DGKD: variants seen among roughly 807,000 people sequenced by gnomAD.
DGKD encodes diacylglycerol kinase delta, also known as DAG kinase delta.
DGKD carries 68 observed loss-of-function variants against 154.4 expected under a neutral mutation model. The ratio of observed to expected loss-of-function variants is 0.44; its 90% CI spans 0.36 to 0.54. DGKD has a LOEUF of 0.54. DGKD is among the 20% of genes least tolerant of loss of function. The pLI is 0.00. For synonymous variants in DGKD, 693 were observed against 638.0 expected (o/e 1.09, Z -1.30); for missense variants, 1,343 against 1,593.6 (o/e 0.84, Z 2.68).
At chr2:233,436,462 C>A in intron 7 of DGKD, 21 bp downstream of exon 7, 1 of 1,606,320 alleles carries the variant, frequency 6.2e-7, no homozygotes, top group South Asian at 1.1e-5. Context: ...GCCCTGCGCC[C>A]GGGCTGGAGG....
At chr2:233,393,477 C>T (rs1180486621) in intron 3 of DGKD, among the ~76,000 whole-genome samples, 1 of 151,188 alleles carries the variant, frequency 6.6e-6, no homozygotes, top group East Asian at 2.0e-4. Context: ...GCTGGGATTA[C>T]AGGTGTGTCC....
chr2:233,414,205 T>C (rs1241413052), intron 3 of DGKD, among the ~76,000 whole-genome samples: 2 of 152,182 alleles, frequency 1.3e-5, no homozygotes, highest in African/African-American at 4.8e-5. Context: ...GCCTCTCTCT[T>C]TCAGGACATG....
At chr2:233,463,657 A>G (rs1196498552) in intron 26 of DGKD, among the ~76,000 whole-genome samples, 1 of 142,558 alleles carries the variant, frequency 7.0e-6, no homozygotes, top group African/African-American at 2.9e-5. Flanking sequence ...GCATGTCCTC[A>G]CTGCACGCAT....
At chr2:233,402,643 A>G (rs1266315459) in intron 3 of DGKD, among the ~76,000 whole-genome samples, 1 of 152,172 alleles carries the variant, frequency 6.6e-6, no homozygotes, top group African/African-American at 2.4e-5. Flanking sequence ...TTCCCAGCTC[A>G]TGTCCGGCCG....
intron 14 of DGKD, among the ~76,000 whole-genome samples, chr2:233,448,593 C>T (rs537666928): frequency 6.6e-6 from 1 of 152,204 alleles, no homozygotes. Flanking sequence ...GGGAGCTGCC[C>T]GAGCAGCGGC....
chr2:233,390,520 C>A, intron 3 of DGKD, 37 bp downstream of exon 3: 1 of 1,523,364 alleles, frequency 6.6e-7, no homozygotes, highest in Non-Finnish European at 9.1e-7. Context: ...TGATTCTTCA[C>A]TGAAGTTGGC....
intron 3 of DGKD, chr2:233,419,502 C>T (rs367587561): frequency 6.4e-6 from 6 of 944,712 alleles, no homozygotes; most frequent in East Asian, 1.2e-4. Flanking sequence ...TGGAATTAAG[C>T]GGAAGGAATT....
At chr2:233,397,831 C>T (rs1449897631) in intron 3 of DGKD, among the ~76,000 whole-genome samples, 1 of 151,312 alleles carries the variant, frequency 6.6e-6, no homozygotes, top group African/African-American at 2.4e-5. Flanking sequence ...GGCTAGTGAT[C>T]AGGTCAGAAG....
At chr2:233,437,688 A>G (rs761090914) in intron 8 of DGKD, among the ~76,000 whole-genome samples, 6 of 152,236 alleles carry the variant, frequency 3.9e-5, no homozygotes, top group Non-Finnish European at 5.9e-5. Context: ...CAGAGACCCA[A>G]GCCTGGCACT....
intron 28 of DGKD, 33 bp from the exon 29 acceptor site, chr2:233,468,390 C>A: frequency 1.2e-6 from 2 of 1,610,288 alleles, no homozygotes; most frequent in Non-Finnish European, 1.7e-6. Context: ...GCTCTGGGCA[C>A]TCACTGCACT....
At chr2:233,448,474 G>GTTCAAATCACCAAGAACC in intron 14 of DGKD, 99 bp downstream of exon 14, 1 of 1,083,466 alleles carries the variant, frequency 9.2e-7, no homozygotes, top group Non-Finnish European at 1.4e-6. Flanking sequence ...CAGGTTCTTG[G>GTTCAAATCACCAAGAACC]TGATTTGAAC....
At chr2:233,384,854 G>A (rs1013617423) in intron 1 of DGKD, among the ~76,000 whole-genome samples, 2 of 152,044 alleles carry the variant, frequency 1.3e-5, no homozygotes, top group Non-Finnish European at 2.9e-5. Flanking sequence ...AGCAGCTGCC[G>A]GCCTCTGCTT....
In DGKD at chr2:233,449,400, G is replaced by T; in HGVS notation, c.1888+24G>T. The T allele has an allele frequency of 6.3e-7, 1 of 1,579,810 alleles. No homozygotes were observed. Among genetic ancestry groups the T allele is most frequent in the South Asian group, 1.1e-5 (1 of 87,892 alleles). On this transcript the variant is annotated intron_variant, in intron 15 of 29. Coordinates refer to ENST00000264057, the MANE Select transcript of DGKD (RefSeq NM_152879.3). The surrounding 1 kb of genome is among the most constrained non-coding windows in gnomAD (Gnocchi z 5.3). ...AGGTAACTGGCCTTGTGATGAGGAG[G>T]GGCTTTCCTCAGGCCAGCACTGGGC...
chr2:233,450,630 G>A (rs2063245762), intron 16 of DGKD, among the ~76,000 whole-genome samples: 2 of 152,192 alleles, frequency 1.3e-5, no homozygotes, highest in Non-Finnish European at 2.9e-5. Context: ...ACCACTGAGA[G>A]CTCTGCTGTG....
At chr2:233,433,388 A>G (rs886395803) in intron 3 of DGKD, among the ~76,000 whole-genome samples, 1 of 152,206 alleles carries the variant, frequency 6.6e-6, no homozygotes, top group African/African-American at 2.4e-5. Flanking sequence ...AATAAAAAAA[A>G]AAAGAAAACA....
At chr2:233,432,124 G>A (rs1022574917) in intron 3 of DGKD, among the ~76,000 whole-genome samples, 3 of 143,870 alleles carry the variant, frequency 2.1e-5, no homozygotes, top group African/African-American at 3.0e-5. Flanking sequence ...AGGCGTGGTG[G>A]CTCATGCCTG....
chr2:233,396,057 A>G (rs565718943), intron 3 of DGKD, among the ~76,000 whole-genome samples: 2 of 152,362 alleles, frequency 1.3e-5, no homozygotes, highest in Non-Finnish European at 2.9e-5. Flanking sequence ...TTTTCCAGAA[A>G]GGAATCAAAT....
rs553537087 is a variant in DGKD at position 233,460,211 on chromosome 2, G to A, written c.2847G>A (p.Leu949=). Reference sequence around the variant, plus strand: ...GTCCATAGGCATTTGAGAGCACCCTGAAGTCCTGGGAAGACAAGCAGAAGT... The same window carrying A: ...GTCCATAGGCATTTGAGAGCACCCTAAAGTCCTGGGAAGACAAGCAGAAGT... ...LTRDRAFEST[L]KSWEDKQKCE... The change falls in exon 24 of 30, where the codon CTG becomes CTA. Residue 949 remains leucine (L), a synonymous_variant. Coordinates refer to ENST00000264057, the MANE Select transcript of DGKD (RefSeq NM_152879.3). The A allele has an allele frequency of 3.1e-6, 5 of 1,613,924 alleles. No individual in the cohort carries two copies. Among genetic ancestry groups the A allele is most frequent in the Non-Finnish European group, 4.2e-6 (5 of 1,179,970 alleles).
intron 18 of DGKD, among the ~76,000 whole-genome samples, chr2:233,453,483 G>C (rs2063352039): frequency 1.3e-5 from 2 of 152,236 alleles, no homozygotes; most frequent in Admixed American, 6.5e-5. Flanking sequence ...CTCTGGCTCA[G>C]CTGTCGGGCA....
Sources: allele counts gnomAD v4.1 joint callset (sites outside exome capture counted in the v4.1 genomes callset), GRCh38; gene constraint gnomAD v4.1.1; non-coding constraint Gnocchi (gnomAD v3.1); transcripts MANE v1.5; gene names NCBI Gene and HGNC (gene_info 2026-07-23, HGNC 2026-07-21).